PDZRN3: variants seen among roughly 807,000 people sequenced by gnomAD.
PDZRN3 encodes E3 ubiquitin-protein ligase PDZRN3.
A neutral mutation model predicts 85.7 loss-of-function variants in PDZRN3; 38 were observed. That is an observed-to-expected ratio of 0.44 (90% CI 0.34 to 0.58). The LOEUF (loss-of-function observed/expected upper bound fraction) is 0.58. Ranked by LOEUF, PDZRN3 falls within the 20% of genes least tolerant of loss-of-function variation. PDZRN3 has a pLI of 0.01. For synonymous variants in PDZRN3, 759 were observed against 638.0 expected (o/e 1.19, Z -2.86); for missense variants, 1,629 against 1,506.4 (o/e 1.08, Z -1.35).
chr3:73,526,854 C>CT (rs980840919), intron 3 of PDZRN3, among the ~76,000 whole-genome samples: 34 of 147,014 alleles, frequency 2.3e-4, no homozygotes, highest in South Asian at 1.7e-3. Flanking sequence ...TGCCCAGCTA[C>CT]TTTTTTTTTT....
intron 3 of PDZRN3, among the ~76,000 whole-genome samples, chr3:73,517,994 C>T (rs2106721509): frequency 6.6e-6 from 1 of 152,316 alleles, no homozygotes; most frequent in African/African-American, 2.4e-5. Context: ...GATTCAGCAA[C>T]TCCACTTGTG....
chr3:73,516,498 A>G (rs952832032), intron 3 of PDZRN3, among the ~76,000 whole-genome samples: 4 of 152,136 alleles, frequency 2.6e-5, no homozygotes, highest in Non-Finnish European at 4.4e-5. Flanking sequence ...TTGCTTTTCT[A>G]TTGGGTAGTG....
At chr3:73,464,859 A>AT (rs2106873147) in intron 3 of PDZRN3, among the ~76,000 whole-genome samples, 1 of 152,072 alleles carries the variant, frequency 6.6e-6, no homozygotes, top group Non-Finnish European at 1.5e-5. Context: ...CATAGTGGTC[A>AT]TTTTTGTGGT....
chr3:73,502,234 G>C (rs1703993684), intron 3 of PDZRN3, among the ~76,000 whole-genome samples: 1 of 152,088 alleles, frequency 6.6e-6, no homozygotes, highest in African/African-American at 2.4e-5. Context: ...TCAAGTAAAG[G>C]GTCACAATGA....
At chr3:73,481,118 C>T (rs770216302) in intron 3 of PDZRN3, among the ~76,000 whole-genome samples, 38 of 152,182 alleles carry the variant, frequency 2.5e-4, no homozygotes, top group Non-Finnish European at 5.0e-4. Context: ...CCCGTGCTCT[C>T]ACCTCTATGC....
rs150503840 is a variant in PDZRN3, at chr3:73,441,594, T to C, written c.919-37199A>G. On this transcript the variant is annotated intron_variant, in intron 3 of 9. Transcript: ENST00000263666. ...GACGAAGTATTTCTCTTACCCCTAT[T>C]TTACCCAGGAAGGAACTGGGGCTCA... Among the ~76,000 whole-genome samples the C allele has an allele frequency of 5.3e-3, 813 of 152,126 alleles. 6 individuals are homozygous for C. The highest frequency in any genetic ancestry group is 0.019 in the African/African-American group (780 of 41,498).
rs201798081 is a variant in PDZRN3, at chr3:73,384,341, T to G, written c.2225A>C (p.Asp742Ala). 6.2e-7 allele frequency: 1 copy of G among 1,611,306 alleles called. No homozygotes were observed. The highest frequency in any genetic ancestry group is 8.5e-7 in the Non-Finnish European group (1 of 1,179,954). Residue 742 changes from aspartate to alanine, a missense_variant, in exon 10 of 10, where the codon GAT (aspartate) becomes GCT (alanine). Coordinates refer to ENST00000263666, the MANE Select transcript of PDZRN3 (RefSeq NM_015009.3). ...SIDVRRHELS[D>A]ITELPEKSDK... is the part of the protein sequence containing the mutation. The stretch of plus-strand genomic sequence containing the variant: ...GGATTTCTCCGGGAGCTCGGTGATA[T>G]CTGAGAGCTCGTGTCTGCGCACGTC...
chr3:73,504,924 A>G (rs533387943), intron 3 of PDZRN3, among the ~76,000 whole-genome samples: 2 of 152,226 alleles, frequency 1.3e-5, no homozygotes, highest in Non-Finnish European at 2.9e-5. Context: ...ATTCTCTCCA[A>G]GTAAGTATGG....
intron 3 of PDZRN3, among the ~76,000 whole-genome samples, chr3:73,594,761 G>C (rs1035467175): frequency 6.6e-6 from 1 of 152,138 alleles, no homozygotes; most frequent in African/African-American, 2.4e-5. Flanking sequence ...TAAAGCAAAA[G>C]TGATAAAAGT....
At chr3:73,580,920 A>G (rs1702191192) in intron 3 of PDZRN3, among the ~76,000 whole-genome samples, 1 of 152,316 alleles carries the variant, frequency 6.6e-6, no homozygotes, top group East Asian at 1.9e-4. Context: ...CCTCAAACTA[A>G]TTCTGAAATA....
At chr3:73,604,375 C>T (rs1329153327) in intron 2 of PDZRN3, among the ~76,000 whole-genome samples, 1 of 152,148 alleles carries the variant, frequency 6.6e-6, no homozygotes, top group African/African-American at 2.4e-5. Flanking sequence ...GTGGTAAGTA[C>T]TATTATTACC....
intron 3 of PDZRN3, among the ~76,000 whole-genome samples, chr3:73,436,983 T>G (rs982955307): frequency 6.7e-6 from 1 of 150,076 alleles, no homozygotes; most frequent in African/African-American, 2.5e-5. Flanking sequence ...GAGGTGGAGG[T>G]TGCAGTTAGC....
chr3:73,622,154 G>A (rs1361242676), intron 1 of PDZRN3, among the ~76,000 whole-genome samples: 4 of 152,154 alleles, frequency 2.6e-5, no homozygotes, highest in East Asian at 3.9e-4. Flanking sequence ...TTGGTGATTC[G>A]AAGGCTCACA....
chr3:73,624,771 C>A lies in PDZRN3; in HGVS notation c.55G>T (p.Ala19Ser). The A allele has an allele frequency of 1.4e-6, 2 of 1,476,122 alleles. No individual in the cohort carries two copies. The highest frequency in any genetic ancestry group is 1.8e-6 in the Non-Finnish European group (2 of 1,119,936). The allele number at this position is 1,476,122 out of a possible 1,614,324, so 91.4% of individuals were successfully genotyped here. A position where few individuals can be genotyped will look rare whatever the true frequency, so the allele number is the denominator to read the frequency against. ...DGDVDPDLKC[A>S]LCHKVLEDPL... Reference sequence around the variant, plus strand: ...TCCTCCAGGACCTTGTGGCACAGCGCGCACTTCAGGTCCGGGTCCACGTCG... The same window carrying A: ...TCCTCCAGGACCTTGTGGCACAGCGAGCACTTCAGGTCCGGGTCCACGTCG... The change falls in exon 1 of 10, where the codon GCG becomes TCG. Residue 19 changes from alanine to serine, a missense_variant. Transcript: ENST00000263666.
At chr3:73,493,049 A>G (rs183192540) in intron 3 of PDZRN3, among the ~76,000 whole-genome samples, 107 of 113,706 alleles carry the variant, frequency 9.4e-4, no homozygotes, top group African/African-American at 3.2e-3. Flanking sequence ...GAAATTTTAT[A>G]AAGAATGAAA....
At chr3:73,576,108 T>G (rs1475336820) in intron 3 of PDZRN3, among the ~76,000 whole-genome samples, 2 of 145,844 alleles carry the variant, frequency 1.4e-5, no homozygotes, top group Non-Finnish European at 3.0e-5. Flanking sequence ...GCATGCATAC[T>G]CTCTCTCACA....
intron 3 of PDZRN3, among the ~76,000 whole-genome samples, chr3:73,558,603 C>T (rs1438903389): frequency 1.3e-5 from 2 of 152,180 alleles, no homozygotes; most frequent in Non-Finnish European, 2.9e-5. Context: ...TGTTCGGTCC[C>T]GCTCCCTGGG....
chr3:73,420,478 A>G (rs1037606198), intron 3 of PDZRN3, among the ~76,000 whole-genome samples: 4 of 152,166 alleles, frequency 2.6e-5, no homozygotes, highest in African/African-American at 7.2e-5. Context: ...ATTTTCCCTA[A>G]AAGTACTGCA....
intron 1 of PDZRN3, among the ~76,000 whole-genome samples, chr3:73,610,122 G>C (rs1017912582): frequency 1.3e-5 from 2 of 152,054 alleles, no homozygotes; most frequent in African/African-American, 4.8e-5. Context: ...ACATCAATTA[G>C]AAATACACTG....
Sources: gnomAD v4.1 joint callset for allele counts (sites outside exome capture counted in the v4.1 genomes callset) on GRCh38, gnomAD v4.1.1 for gene constraint, MANE v1.5 for transcripts, NCBI Gene and HGNC (gene_info 2026-07-23, HGNC 2026-07-21) for gene names.